The following KAT6A variants were observed in gnomAD, a reference collection of about 807,000 sequenced individuals.
KAT6A encodes histone acetyltransferase KAT6A.
Under a neutral mutation model 198.4 loss-of-function variants are expected in KAT6A, and 9 were observed. That is an observed-to-expected ratio of 0.05 (90% CI 0.03 to 0.08). The LOEUF (loss-of-function observed/expected upper bound fraction) is 0.08, where lower values mean the gene tolerates loss of function less well. Ranked by LOEUF, KAT6A falls within the 10% of genes least tolerant of loss-of-function variation. KAT6A has a pLI of 1.00. For missense variants in KAT6A, 2,077 were observed against 2,509.9 expected (o/e 0.83, Z 3.69); for synonymous variants, 890 against 883.0 (o/e 1.01, Z -0.14).
At chr8:41,983,965 A>T (rs1265965236) in intron 3 of KAT6A, among the ~76,000 whole-genome samples, 1 of 152,266 alleles carries the variant, frequency 6.6e-6, no homozygotes, top group Non-Finnish European at 1.5e-5. Context: ...TCATGCTTAG[A>T]AATGTAAACA....
intron 1 of KAT6A, among the ~76,000 whole-genome samples, chr8:42,051,402 G>C (rs1313497375): frequency 6.6e-6 from 1 of 151,366 alleles, no homozygotes; most frequent in Non-Finnish European, 1.5e-5. Flanking sequence ...GCCGGAGCCG[G>C]AACCCGAGCC....
In KAT6A at chr8:42,048,850, T is replaced by A. The variant is rs1430856982; in HGVS notation, c.128A>T (p.Asp43Val). Reference protein sequence around the residue: ...CNAVSSSHGLDRKTVLEQLEL... With the variant: ...CNAVSSSHGLVRKTVLEQLEL... The stretch of plus-strand genomic sequence containing the variant: ...CAATTGTTCTAAAACAGTTTTACGA[T>A]CCAAGCCATGGGATGAAGACACAGC... The change falls in exon 2 of 17, where the codon GAT becomes GTT. Residue 43 changes from aspartate to valine, a missense_variant. By Grantham distance (152) the Asp-to-Val change is radical. Around this residue, in one of 13 missense-constraint regions of KAT6A, gnomAD observed 35 missense variants for 76.6 expected, o/e 0.46. Coordinates refer to ENST00000265713, the MANE Select transcript of KAT6A (RefSeq NM_006766.5). The A allele has an allele frequency of 6.2e-7, 1 of 1,614,224 alleles. No homozygotes were observed. The highest frequency in any genetic ancestry group is 1.1e-5 in the South Asian group (1 of 91,090).
rs1325687080 is a variant in KAT6A, at chr8:41,937,578, A to G, written c.3040-10T>C. 6.3e-7 allele frequency: 1 copy of G among 1,591,966 alleles called. No homozygotes were observed. Reference sequence around the variant, plus strand: ...GGTGGAGAAATGGTTTCTGTTTAATAGAGAAAGCAAGTATTTACAGTTATG... The same window carrying G: ...GGTGGAGAAATGGTTTCTGTTTAATGGAGAAAGCAAGTATTTACAGTTATG... On this transcript the variant is annotated splice_polypyrimidine_tract_variant and intron_variant, in intron 15 of 16. Coordinates refer to ENST00000265713, the MANE Select transcript of KAT6A (RefSeq NM_006766.5).
chr8:42,048,240 C>A (rs905353821), intron 2 of KAT6A, 138 bp downstream of exon 2: 1 of 792,234 alleles, frequency 1.3e-6, no homozygotes. Flanking sequence ...ATAGCTACAA[C>A]TCACCAATAA....
At chr8:42,049,488 A>AT (rs2150933328) in intron 1 of KAT6A, 186 bp from the exon 2 acceptor site, 1 of 169,536 alleles carries the variant, frequency 5.9e-6, no homozygotes, top group East Asian at 1.2e-4. Flanking sequence ...AGAAAAAAAA[A>AT]GAAAAGAAAA....
chr8:41,985,629 C>T (rs559509828), intron 3 of KAT6A, among the ~76,000 whole-genome samples: 2 of 152,266 alleles, frequency 1.3e-5, no homozygotes, highest in South Asian at 2.1e-4. Flanking sequence ...GCAGTGGACT[C>T]CCCCCTGCTT....
intron 8 of KAT6A, chr8:41,957,242 C>A (rs1822967914): frequency 3.5e-6 from 2 of 571,548 alleles, no homozygotes; most frequent in South Asian, 2.8e-5. Context: ...AACCTTTGCA[C>A]CGTGAAACGT....
At chr8:42,005,796 A>ACACTCACT (rs371815069) in intron 2 of KAT6A, among the ~76,000 whole-genome samples, 7 of 148,794 alleles carry the variant, frequency 4.7e-5, no homozygotes, top group African/African-American at 1.5e-4. Context: ...ACACACACAC[A>ACACTCACT]CACTCACTCT....
rs778287241 is a variant in KAT6A at position 41,955,360 on chromosome 8, T to C, written c.1534A>G (p.Ile512Val). The C allele has an allele frequency of 3.1e-6, 5 of 1,613,422 alleles. No individual in the cohort carries two copies. The South Asian group carries it at 4.4e-5, about 14-fold the overall frequency. ...TGAATTTCATACTTCCCAAACTCAATGACAGAGGGACAGCGGACTTGTGGA... is the reference window on the plus strand; with the variant it reads ...TGAATTTCATACTTCCCAAACTCAACGACAGAGGGACAGCGGACTTGTGGA... ...PDPQVRCPSV[I>V]EFGKYEIHTW... Residue 512 changes from isoleucine (I) to valine (V), a missense_variant, in exon 9 of 17, where the codon ATT (isoleucine) becomes GTT (valine). This residue lies in a region of KAT6A where 206 missense variants were observed against 214.9 expected (regional missense o/e 0.96). Coordinates refer to ENST00000265713, the MANE Select transcript of KAT6A (RefSeq NM_006766.5).
At chr8:41,948,436 G>T (rs1258893244) in intron 10 of KAT6A, among the ~76,000 whole-genome samples, 1 of 152,114 alleles carries the variant, frequency 6.6e-6, no homozygotes, top group Non-Finnish European at 1.5e-5. Flanking sequence ...AGCACCAAGC[G>T]GGTTCCTCAA....
intron 2 of KAT6A, among the ~76,000 whole-genome samples, chr8:42,041,187 C>T (rs1333358605): frequency 8.3e-5 from 9 of 108,660 alleles, no homozygotes; most frequent in South Asian, 3.4e-4. Flanking sequence ...AGTGAGATTC[C>T]GTCTCAAAAA....
At chr8:42,025,716 T>C (rs193027512) in intron 2 of KAT6A, among the ~76,000 whole-genome samples, 62 of 152,342 alleles carry the variant, frequency 4.1e-4, no homozygotes, top group African/African-American at 1.5e-3. Flanking sequence ...GTCTCTTCAT[T>C]CTGCTGATTG....
intron 8 of KAT6A, among the ~76,000 whole-genome samples, chr8:41,970,485 C>G (rs1823733858): frequency 6.6e-6 from 1 of 152,160 alleles, no homozygotes; most frequent in Non-Finnish European, 1.5e-5. Flanking sequence ...AACTCCTGCC[C>G]CATTTCTCCC....
chr8:42,002,340 TAAAAC>T (rs561000637), intron 2 of KAT6A, among the ~76,000 whole-genome samples: 1 of 152,110 alleles, frequency 6.6e-6, no homozygotes, highest in Admixed American at 6.6e-5. Flanking sequence ...TACATAGATT[TAAAAC>T]AAAACAAAAC....
rs919019406 is a variant in KAT6A at position 41,947,799 on chromosome 8, T to C, written c.1854A>G (p.Leu618=). ...GGCAGCCCTTGACATCATTCTGTGTTAGTACATAAAAAAGAAATGGCTCCA... is the reference window on the plus strand; with the variant it reads ...GGCAGCCCTTGACATCATTCTGTGTCAGTACATAAAAAAGAAATGGCTCCA... ...YDVEPFLFYV[L]TQNDVKGCHL... Residue 618 remains leucine, a synonymous_variant, in exon 11 of 17, where the codon CTA becomes CTG. Transcript: ENST00000265713. The C allele has an allele frequency of 6.2e-7, 1 of 1,608,664 alleles. No individual in the cohort carries two copies. The highest frequency in any genetic ancestry group is 8.5e-7 in the Non-Finnish European group (1 of 1,178,676).
At chr8:41,978,810 G>A (rs200008724) in intron 5 of KAT6A, 33 bp from the exon 6 acceptor site, 11 of 1,599,948 alleles carry the variant, frequency 6.9e-6, no homozygotes, top group Non-Finnish European at 9.4e-6. Flanking sequence ...ATAGAAGTGT[G>A]ACAGACATAA....
At chr8:42,036,192 G>A (rs143730379) in intron 2 of KAT6A, among the ~76,000 whole-genome samples, 288 of 152,188 alleles carry the variant, frequency 1.9e-3, no homozygotes, top group Middle Eastern at 3.4e-3. Context: ...AAGAAATACT[G>A]AATTTCTGCA....
chr8:41,977,399 A>T lies in KAT6A; in HGVS notation c.1044-72T>A. 2.0e-6 allele frequency: 2 copies of T among 988,266 alleles called. 1 individual carries two copies. The highest frequency in any genetic ancestry group is 3.4e-5 in the South Asian group (2 of 59,436). 61.2% of individuals were successfully genotyped at this position (988,266 alleles called of 1,614,324 possible). On this transcript the variant is annotated intron_variant, in intron 6 of 16. Coordinates refer to ENST00000265713, the MANE Select transcript of KAT6A (RefSeq NM_006766.5). The stretch of plus-strand genomic sequence containing the variant: ...GTAAGGTTCCTTTTTAATACATAAC[A>T]TATAATTAGTAAGTAACCTACAGCT...
At chr8:42,043,823 G>A (rs1489662541) in intron 2 of KAT6A, among the ~76,000 whole-genome samples, 1 of 152,098 alleles carries the variant, frequency 6.6e-6, no homozygotes, top group Non-Finnish European at 1.5e-5. Context: ...CCTAATATTT[G>A]TGTGACTTCA....
Sources: allele counts gnomAD v4.1 joint callset (sites outside exome capture counted in the v4.1 genomes callset), GRCh38; gene constraint gnomAD v4.1.1; regional missense constraint gnomAD v4.1.1; transcripts MANE v1.5; gene names NCBI Gene and HGNC (gene_info 2026-07-23, HGNC 2026-07-21).